WWOX: variants seen among roughly 807,000 people sequenced by gnomAD.
The protein encoded by WWOX is WW domain-containing oxidoreductase.
WWOX carries 69 observed loss-of-function variants against 46.2 expected under a neutral mutation model. The ratio of observed to expected loss-of-function variants is 1.49; its 90% CI spans 1.23 to 1.82. The LOEUF is 1.82. Among genes scored for constraint, WWOX ranks in the 40% most tolerant of loss-of-function variants. The pLI is 0.00. For synonymous variants in WWOX, 359 were observed against 202.6 expected, an observed-to-expected ratio of 1.77 and a Z score of -6.56; for missense variants, 919 against 542.6, an observed-to-expected ratio of 1.69 and a Z score of -6.89.
intron 8 of WWOX, among the ~76,000 whole-genome samples, chr16:78,816,502 C>CTTTTTT (rs55814418): frequency 0.032 from 1,334 of 42,114 alleles, 232 homozygotes; most frequent in Non-Finnish European, 0.041. Context: ...AGGAGCCACT[C>CTTTTTT]TTTTTTTTTT....
intron 8 of WWOX, among the ~76,000 whole-genome samples, chr16:78,999,067 G>T (rs191032178): frequency 6.6e-6 from 1 of 152,022 alleles, no homozygotes; most frequent in Non-Finnish European, 1.5e-5. Context: ...TATTCCGGAC[G>T]TGGAAATCAA....
At chr16:78,451,942 T>C (rs2083699470) in intron 8 of WWOX, among the ~76,000 whole-genome samples, 1 of 152,228 alleles carries the variant, frequency 6.6e-6, no homozygotes, top group African/African-American at 2.4e-5. Context: ...GTTGGAGCCC[T>C]TAGTTCAACA....
At chr16:78,283,255 C>T (rs1167663413) in intron 5 of WWOX, among the ~76,000 whole-genome samples, 2 of 152,078 alleles carry the variant, frequency 1.3e-5, no homozygotes, top group African/African-American at 4.8e-5. Flanking sequence ...CAAGGAGGAA[C>T]GATGCAGACA....
At chr16:78,634,312 G>A (rs570315153) in intron 8 of WWOX, among the ~76,000 whole-genome samples, 34 of 152,228 alleles carry the variant, frequency 2.2e-4, no homozygotes, top group Admixed American at 1.5e-3. Flanking sequence ...GAAATGATAC[G>A]CTTCAGCTCT....
intron 8 of WWOX, among the ~76,000 whole-genome samples, chr16:78,516,739 G>A (rs1014573346): frequency 1.3e-5 from 2 of 152,108 alleles, no homozygotes; most frequent in African/African-American, 2.4e-5. Flanking sequence ...ATTTAAACGC[G>A]AGGGTTTCCT....
At chr16:79,063,308 G>T (rs1567524091) in intron 8 of WWOX, among the ~76,000 whole-genome samples, 1 of 152,166 alleles carries the variant, frequency 6.6e-6, no homozygotes, top group African/African-American at 2.4e-5. Flanking sequence ...TGTTTTTGAA[G>T]TGTTCTTATT....
chr16:78,515,895 T>A (rs1019574092), intron 8 of WWOX, among the ~76,000 whole-genome samples: 3 of 152,190 alleles, frequency 2.0e-5, no homozygotes, highest in Non-Finnish European at 4.4e-5. Context: ...GGTGAACATC[T>A]TTGGCCCATG....
At chr16:78,856,669 C>A (rs1252388921) in intron 8 of WWOX, among the ~76,000 whole-genome samples, 1 of 152,014 alleles carries the variant, frequency 6.6e-6, no homozygotes, top group Non-Finnish European at 1.5e-5. Context: ...TGGAATAGAT[C>A]TCTTTCAGTA....
At chr16:78,234,573 A>G (rs914656780) in intron 5 of WWOX, among the ~76,000 whole-genome samples, 1 of 152,196 alleles carries the variant, frequency 6.6e-6, no homozygotes, top group African/African-American at 2.4e-5. Context: ...GAACCGAAGT[A>G]TTTGGAAAAC....
chr16:78,692,288 G>T (rs1029539930), intron 8 of WWOX, among the ~76,000 whole-genome samples: 1 of 152,162 alleles, frequency 6.6e-6, no homozygotes, highest in African/African-American at 2.4e-5. Context: ...AACAACTTTT[G>T]TTTTCCAATT....
At chr16:78,661,414 C>A (rs1227430018) in intron 8 of WWOX, among the ~76,000 whole-genome samples, 3 of 151,924 alleles carry the variant, frequency 2.0e-5, no homozygotes, top group Admixed American at 2.0e-4. Flanking sequence ...TTTTTTTTTC[C>A]CCTTTCAATA....
intron 8 of WWOX, among the ~76,000 whole-genome samples, chr16:78,689,504 C>A (rs1458400941): frequency 6.6e-6 from 1 of 152,228 alleles, no homozygotes; most frequent in Non-Finnish European, 1.5e-5. Context: ...CTCCTCTCTC[C>A]TTGCTGGATC....
At chr16:78,899,044 A>T (rs2044765215) in intron 8 of WWOX, 1 of 152,048 alleles carries the variant, frequency 6.6e-6, no homozygotes, top group Non-Finnish European at 1.5e-5. Flanking sequence ...CTCTGAATAT[A>T]GTTTTACTTC....
chr16:78,773,206 A>C (rs2050107018), intron 8 of WWOX, among the ~76,000 whole-genome samples: 1 of 152,080 alleles, frequency 6.6e-6, no homozygotes, highest in Non-Finnish European at 1.5e-5. Context: ...TTGGGCAGTT[A>C]ATATATATTT....
intron 8 of WWOX, among the ~76,000 whole-genome samples, chr16:78,760,120 C>T (rs572166196): frequency 3.9e-5 from 6 of 152,234 alleles, no homozygotes; most frequent in African/African-American, 1.4e-4. Context: ...TTCCATGTGG[C>T]TAGGGTGGGT....
At chr16:78,599,429 T>G (rs2151614556) in intron 8 of WWOX, among the ~76,000 whole-genome samples, 1 of 152,318 alleles carries the variant, frequency 6.6e-6, no homozygotes, top group East Asian at 1.9e-4. Context: ...CCTAAGGCTG[T>G]GGCCATGGCT....
intron 8 of WWOX, among the ~76,000 whole-genome samples, chr16:78,952,285 G>A (rs1037852162): frequency 6.6e-6 from 1 of 151,914 alleles, no homozygotes; most frequent in Non-Finnish European, 1.5e-5. Flanking sequence ...TTCCATGACT[G>A]CATTAAATCC....
intron 8 of WWOX, among the ~76,000 whole-genome samples, chr16:79,163,953 C>T (rs1038466437): frequency 3.3e-5 from 5 of 150,756 alleles, no homozygotes; most frequent in Non-Finnish European, 7.4e-5. Context: ...GCCCAGCCCA[C>T]GGTTTTCCCT....
At chr16:78,541,270 C>T (rs529928726) in intron 8 of WWOX, among the ~76,000 whole-genome samples, 4 of 151,128 alleles carry the variant, frequency 2.6e-5, no homozygotes, top group African/African-American at 4.9e-5. Context: ...GTCAGGAGAT[C>T]GAGACCATCC....
Sources: gnomAD v4.1 joint callset for allele counts (sites outside exome capture counted in the v4.1 genomes callset) on GRCh38, gnomAD v4.1.1 for gene constraint, MANE v1.5 for transcripts, NCBI Gene and HGNC (gene_info 2026-07-23, HGNC 2026-07-21) for gene names.